The following GRIA2 variants were observed in gnomAD, a reference collection of about 807,000 sequenced individuals.
GRIA2 encodes the protein glutamate ionotropic receptor AMPA type subunit 2.
A neutral mutation model predicts 97.3 loss-of-function variants in GRIA2; 14 were observed. The observed-to-expected ratio is 0.14, with a 90% CI of 0.10 to 0.23. The LOEUF (loss-of-function observed/expected upper bound fraction) is 0.23, where lower values mean the gene tolerates loss of function less well. Ranked by LOEUF, GRIA2 falls within the 10% of genes least tolerant of loss-of-function variation. The pLI is 1.00. For synonymous variants in GRIA2, 412 were observed against 387.8 expected, an observed-to-expected ratio of 1.06 and a Z score of -0.73; for missense variants, 558 against 1,069.8, an observed-to-expected ratio of 0.52 and a Z score of 6.67.
chr4:157,309,056 T>A (rs1239760894), intron 3 of GRIA2, among the ~76,000 whole-genome samples: 1 of 152,106 alleles, frequency 6.6e-6, no homozygotes, highest in Non-Finnish European at 1.5e-5. Context: ...TGAATGGTGG[T>A]CTCTTCAAAT....
chr4:157,273,691 GA>G (rs1364534030), intron 2 of GRIA2, among the ~76,000 whole-genome samples: 3 of 151,722 alleles, frequency 2.0e-5, no homozygotes, highest in East Asian at 3.9e-4. Context: ...AAAACAGAGA[GA>G]AAAAAAGATT....
chr4:157,363,669 C>A lies in GRIA2; in HGVS notation c.*238C>A. ...TGTTTATTGTCAAAGTGGTGAGAGG[C>A]ATCCAGTATCTTGAAGACTTTTCTT... On this transcript the variant is annotated 3_prime_UTR_variant, in exon 16 of 16. Transcript: ENST00000264426. 1.2e-6 allele frequency: 1 copy of A among 824,312 alleles called. No homozygotes were observed. Among genetic ancestry groups the A allele is most frequent in the South Asian group, 6.3e-5 (1 of 15,862 alleles). 51.1% of individuals were successfully genotyped at this position (824,312 alleles called of 1,614,324 possible).
rs190272891 is a variant in GRIA2, at chr4:157,234,357, C to T, written c.229+12550C>T. ...AATAAACTTCTTTAATATAATACAA[C>T]CATTCAAGCTGAAAATAGAGGCTAG... On this transcript the variant is annotated intron_variant, in intron 2 of 15. Coordinates refer to ENST00000264426, the MANE Select transcript of GRIA2 (RefSeq NM_001083619.3). 5.9e-4 allele frequency among the ~76,000 whole-genome samples: 89 copies of T among 152,096 alleles called. No homozygotes were observed. The East Asian group carries it at 0.01, about 18-fold the overall frequency.
intron 2 of GRIA2, among the ~76,000 whole-genome samples, chr4:157,290,046 G>GT (rs1330459239): frequency 1.9e-4 from 29 of 151,780 alleles, no homozygotes; most frequent in African/African-American, 6.8e-4. Flanking sequence ...CTTTATAGAT[G>GT]TAAGACCTTA....
intron 2 of GRIA2, among the ~76,000 whole-genome samples, chr4:157,247,309 AAT>A (rs2126730447): frequency 6.6e-6 from 1 of 152,288 alleles, no homozygotes; most frequent in Admixed American, 6.5e-5. Flanking sequence ...TATGCCTCTG[AAT>A]ATGTTTGGTA....
At chr4:157,305,094 C>T (rs531910916) in intron 3 of GRIA2, among the ~76,000 whole-genome samples, 66 of 152,140 alleles carry the variant, frequency 4.3e-4, no homozygotes, top group African/African-American at 1.4e-3. Context: ...TGGATGTTTC[C>T]GACGCACACT....
At chr4:157,340,629 C>T (rs1184285458) in intron 11 of GRIA2, among the ~76,000 whole-genome samples, 1 of 151,824 alleles carries the variant, frequency 6.6e-6, no homozygotes, top group Non-Finnish European at 1.5e-5. Context: ...CATCCATACT[C>T]TGAAGCCATC....
intron 6 of GRIA2, among the ~76,000 whole-genome samples, chr4:157,327,235 T>C (rs758132173): frequency 1.3e-5 from 2 of 152,040 alleles, no homozygotes; most frequent in Non-Finnish European, 2.9e-5. Flanking sequence ...AAGCACACTA[T>C]AGATATTTGT....
At chr4:157,242,947 A>G (rs1242793103) in intron 2 of GRIA2, among the ~76,000 whole-genome samples, 1 of 152,116 alleles carries the variant, frequency 6.6e-6, no homozygotes, top group Non-Finnish European at 1.5e-5. Context: ...AATGCTAGAC[A>G]GCAATTCCTA....
chr4:157,297,758 C>A (rs1220658166), intron 2 of GRIA2, among the ~76,000 whole-genome samples: 1 of 150,796 alleles, frequency 6.6e-6, no homozygotes, highest in African/African-American at 2.5e-5. Context: ...TATTGTAAAA[C>A]AGTGGCATTT....
At chr4:157,355,941 T>TATATA (rs1736301145) in intron 12 of GRIA2, among the ~76,000 whole-genome samples, 1 of 11,588 alleles carries the variant, frequency 8.6e-5, no homozygotes, top group Non-Finnish European at 1.9e-4. Context: ...ATTTATATAT[T>TATATA]AATATATATT....
chr4:157,247,658 G>A (rs912257765), intron 2 of GRIA2, among the ~76,000 whole-genome samples: 8 of 152,248 alleles, frequency 5.3e-5, no homozygotes, highest in Admixed American at 2.0e-4. Flanking sequence ...TTCGGGGGAG[G>A]CAGTACACTT....
intron 2 of GRIA2, among the ~76,000 whole-genome samples, chr4:157,235,113 A>T (rs564651869): frequency 6.6e-6 from 1 of 152,238 alleles, no homozygotes; most frequent in Non-Finnish European, 1.5e-5. Context: ...TTTACACAAC[A>T]GTTATATCCA....
intron 2 of GRIA2, among the ~76,000 whole-genome samples, chr4:157,228,281 T>C (rs749973266): frequency 6.6e-6 from 1 of 152,228 alleles, no homozygotes; most frequent in Non-Finnish European, 1.5e-5. Flanking sequence ...GCTATACATA[T>C]GGATTTCAGA....
At chr4:157,318,911 T>C (rs1261837025) in intron 5 of GRIA2, among the ~76,000 whole-genome samples, 1 of 152,178 alleles carries the variant, frequency 6.6e-6, no homozygotes, top group Non-Finnish European at 1.5e-5. Context: ...TTAGTTCTAG[T>C]GGTGACAGAA....
chr4:157,224,471 T>A (rs779687034), intron 2 of GRIA2, among the ~76,000 whole-genome samples: 2 of 152,180 alleles, frequency 1.3e-5, no homozygotes, highest in Non-Finnish European at 1.5e-5. Flanking sequence ...TCCGTTTTTT[T>A]ATTCTCTGAG....
chr4:157,350,091 T>C lies in GRIA2; in HGVS notation c.2043+8629T>C, dbSNP rs531712169. ...CTATTCTGTTTTGTTTTCATTGTTA[T>C]GGTCTTTAGAAAGTTCTTATAAGAT... On this transcript the variant is annotated intron_variant, in intron 12 of 15. Transcript: ENST00000264426. 2.7e-3 allele frequency among the ~76,000 whole-genome samples: 415 copies of C among 152,312 alleles called. 4 individuals carry two copies. The highest frequency in any genetic ancestry group is 0.017 in the Middle Eastern group (5 of 294).
In GRIA2 at chr4:157,335,776, G is replaced by A; in HGVS notation, c.1372G>A (p.Gly458Arg). Residue 458 changes from glycine to arginine, a missense_variant, in exon 10 of 16, where the codon GGG (glycine) becomes AGG (arginine). By Grantham distance (125) the Gly-to-Arg change is moderately radical. This residue lies in a region of GRIA2 where 41 missense variants were observed against 102.2 expected (regional missense o/e 0.40). Transcript: ENST00000264426. ...DLAAEIAKHC[G>R]FKYKLTIVGD... ...GGCTGCAGAAATCGCCAAACATTGT[G>A]GGTTCAAGTACAAGTTGACAATTGT... 1 of 1,612,780 alleles carries A rather than the reference G, an allele frequency of 6.2e-7. No individual in the cohort carries two copies. The highest frequency in any genetic ancestry group is 8.5e-7 in the Non-Finnish European group (1 of 1,179,142).
rs1301079774 is a variant in GRIA2, at chr4:157,365,314, AT to A, written c.*1887del. 6.6e-6 allele frequency: 1 copy of A among 152,016 alleles called. No homozygotes were observed. The highest frequency in any genetic ancestry group is 1.5e-5 in the Non-Finnish European group (1 of 67,664). The allele number at this position is 152,016 out of a possible 1,614,324, so 9.4% of individuals were successfully genotyped here. A position where few individuals can be genotyped will look rare whatever the true frequency, so the allele number is the denominator to read the frequency against. On this transcript the variant is annotated 3_prime_UTR_variant, in exon 16 of 16. Coordinates refer to ENST00000264426, the MANE Select transcript of GRIA2 (RefSeq NM_001083619.3). Reference sequence around the variant, plus strand: ...TCCTCATCAGGAATGCTGGAGGTGCATTTTAAGTTTTAATAATAAGTGCTAG... The same window carrying A: ...TCCTCATCAGGAATGCTGGAGGTGCATTTAAGTTTTAATAATAAGTGCTAG...
Sources: gnomAD v4.1 joint callset for allele counts (sites outside exome capture counted in the v4.1 genomes callset) on GRCh38, gnomAD v4.1.1 for gene constraint, gnomAD v4.1.1 regional missense constraint, MANE v1.5 for transcripts, NCBI Gene and HGNC (gene_info 2026-07-23, HGNC 2026-07-21) for gene names.